The following EBF1 variants were observed in gnomAD, a reference collection of about 807,000 sequenced individuals.
EBF1 encodes the protein transcription factor COE1.
A neutral mutation model predicts 68.4 loss-of-function variants in EBF1; 10 were observed. The ratio of observed to expected loss-of-function variants is 0.15; its 90% confidence interval spans 0.09 to 0.25. The LOEUF (loss-of-function observed/expected upper bound fraction) is 0.25, where lower values mean the gene tolerates loss of function less well. EBF1 is among the 10% of genes least tolerant of loss of function. The pLI, the probability that EBF1 is intolerant of heterozygous loss-of-function variation, is 1.00. For missense variants in EBF1, 509 were observed against 794.4 expected (o/e 0.64, Z 4.32); for synonymous variants, 298 against 299.8 (o/e 0.99, Z 0.06).
At chr5:158,741,595 C>G (rs1766430874) in intron 10 of EBF1, among the ~76,000 whole-genome samples, 1 of 146,738 alleles carries the variant, frequency 6.8e-6, no homozygotes. Context: ...AAAAAAAAAG[C>G]AGTATAATGT....
chr5:158,779,450 T>G (rs934512619), intron 9 of EBF1, among the ~76,000 whole-genome samples: 9 of 152,156 alleles, frequency 5.9e-5, no homozygotes, highest in Admixed American at 2.0e-4. Flanking sequence ...TCCAAAGACT[T>G]TGTGTGTGTG....
At chr5:158,909,780 T>C (rs1179552542) in intron 6 of EBF1, among the ~76,000 whole-genome samples, 4 of 151,658 alleles carry the variant, frequency 2.6e-5, no homozygotes, top group Non-Finnish European at 5.9e-5. Context: ...CTACTAAACA[T>C]ACAAAAATTA....
At position 158,753,467 on chromosome 5, in the gene EBF1, G is replaced by A. The variant is rs1209769851; in HGVS notation, c.1037-22310C>T. Among the ~76,000 whole-genome samples, 5 of 152,054 alleles carry A rather than the reference G, an allele frequency of 3.3e-5. No homozygotes were observed. In the East Asian group the frequency reaches 9.7e-4, roughly 29 times the overall value. Reference sequence around the variant, plus strand: ...GGTTCTGGCTATAATCTTAGAGTTAGACCAACATGCTTTCTTGATTCAAGG... The same window carrying A: ...GGTTCTGGCTATAATCTTAGAGTTAAACCAACATGCTTTCTTGATTCAAGG... On this transcript the variant is annotated intron_variant, in intron 10 of 15. Coordinates refer to ENST00000313708, the MANE Select transcript of EBF1 (RefSeq NM_024007.5).
chr5:158,755,495 T>C (rs918975572), intron 10 of EBF1, among the ~76,000 whole-genome samples: 2 of 152,186 alleles, frequency 1.3e-5, no homozygotes, highest in Non-Finnish European at 2.9e-5. Context: ...TTGCACATAG[T>C]TGACATTCAA....
At position 158,951,418 on chromosome 5, in the gene EBF1, C is replaced by T. The variant is rs989848698; in HGVS notation, c.555-111308G>A. ...CATTCTTTTTTTCCTGGCAGGTGCA[C>T]GTTCACAATGGTGATTTCTCATTTA... On this transcript the variant is annotated intron_variant, in intron 6 of 15. Transcript: ENST00000313708. Among the ~76,000 whole-genome samples, 9 of 152,264 alleles carry T rather than the reference C, an allele frequency of 5.9e-5. No homozygotes were observed. In the East Asian group the frequency reaches 1.4e-3, roughly 23 times the overall value.
chr5:158,883,350 A>G (rs772407175), intron 6 of EBF1, among the ~76,000 whole-genome samples: 8 of 25,860 alleles, frequency 3.1e-4, no homozygotes, highest in African/African-American at 3.9e-4. Context: ...ACATGCATGT[A>G]TATATATATA....
chr5:158,917,190 C>T (rs1421259896), intron 6 of EBF1, among the ~76,000 whole-genome samples: 2 of 152,114 alleles, frequency 1.3e-5, no homozygotes, highest in Admixed American at 1.3e-4. Context: ...GCCTATTATA[C>T]CTAAATAAAA....
At chr5:158,947,833 G>A (rs1016904677) in intron 6 of EBF1, among the ~76,000 whole-genome samples, 11 of 151,926 alleles carry the variant, frequency 7.2e-5, no homozygotes, top group Non-Finnish European at 7.4e-5. Context: ...TAGAAATGGA[G>A]GTTGAAGGAG....
rs1478404461 is a variant in EBF1, at chr5:158,812,332, C to T, written c.778+10844G>A. Among the ~76,000 whole-genome samples the T allele has an allele frequency of 2.6e-5, 4 of 152,230 alleles. No homozygotes were observed. The East Asian group carries it at 7.7e-4, about 29-fold the overall frequency. On this transcript the variant is annotated intron_variant, in intron 8 of 15. Coordinates refer to ENST00000313708, the MANE Select transcript of EBF1 (RefSeq NM_024007.5). ...TTATTAACAATTGCCACTACACCCACAATGGGCTTCTTAGGTTGACAACTG... is the reference window on the plus strand; with the variant it reads ...TTATTAACAATTGCCACTACACCCATAATGGGCTTCTTAGGTTGACAACTG...
chr5:159,024,299 A>G (rs1767287824), intron 6 of EBF1, among the ~76,000 whole-genome samples: 1 of 152,208 alleles, frequency 6.6e-6, no homozygotes. Flanking sequence ...TACCTGCGTG[A>G]CAGTTGACAA....
At chr5:159,051,054 C>T (rs181795546) in intron 6 of EBF1, among the ~76,000 whole-genome samples, 1 of 152,072 alleles carries the variant, frequency 6.6e-6, no homozygotes, top group East Asian at 1.9e-4. Context: ...TGTTAAAGTC[C>T]CTACATTTAC....
chr5:158,929,667 A>G (rs1810420481), intron 6 of EBF1, among the ~76,000 whole-genome samples: 3 of 152,204 alleles, frequency 2.0e-5, no homozygotes. Context: ...TCTGAAGCTG[A>G]GGCTTTAATT....
At chr5:158,814,290 C>T (rs1468736005) in intron 8 of EBF1, among the ~76,000 whole-genome samples, 1 of 152,110 alleles carries the variant, frequency 6.6e-6, no homozygotes, top group Non-Finnish European at 1.5e-5. Context: ...CTAAAGTGAG[C>T]TATGATTGCA....
intron 6 of EBF1, among the ~76,000 whole-genome samples, chr5:159,041,924 C>G (rs182685953): frequency 6.6e-6 from 1 of 152,182 alleles, no homozygotes; most frequent in Non-Finnish European, 1.5e-5. Flanking sequence ...CTCACTTTTG[C>G]TTGCATGGCT....
intron 1 of EBF1, among the ~76,000 whole-genome samples, chr5:159,098,795 A>C (rs1584612877): frequency 2.7e-5 from 4 of 148,354 alleles, no homozygotes; most frequent in African/African-American, 9.9e-5. Context: ...AAGAAAATAA[A>C]GGGGGGAGAA....
At chr5:159,017,499 C>T (rs1363628421) in intron 6 of EBF1, among the ~76,000 whole-genome samples, 1 of 152,220 alleles carries the variant, frequency 6.6e-6, no homozygotes, top group Non-Finnish European at 1.5e-5. Context: ...ACCCCCATTC[C>T]TTCAGTACCT....
Position 158,883,422 on chromosome 5 carries a change from GTA to G in EBF1, c.555-43314_555-43313del, listed in dbSNP as rs34191014. ...TGTGTGTATATATATACATACATAC[GTA>G]TATATATATATACACATACACATAT... is the stretch of plus-strand genomic sequence containing the variant. On this transcript the variant is annotated intron_variant, in intron 6 of 15. Transcript: ENST00000313708. Among the ~76,000 whole-genome samples the G allele has an allele frequency of 3.1e-3, 452 of 144,208 alleles. 1 individual carries two copies. Among genetic ancestry groups the G allele is most frequent in the Middle Eastern group, 3.6e-3 (1 of 274 alleles). 94.6% of individuals were successfully genotyped at this position (144,208 alleles called of 152,430 possible). A position where few individuals can be genotyped will look rare whatever the true frequency, so the allele number is the denominator to read the frequency against.
chr5:158,784,988 A>C (rs1777135543), intron 9 of EBF1, among the ~76,000 whole-genome samples: 1 of 152,104 alleles, frequency 6.6e-6, no homozygotes, highest in Admixed American at 6.5e-5. Context: ...GTTTGGGTAG[A>C]GCTTCTCTGG....
chr5:158,955,851 C>T (rs1816953109), intron 6 of EBF1, among the ~76,000 whole-genome samples: 1 of 152,116 alleles, frequency 6.6e-6, no homozygotes, highest in Non-Finnish European at 1.5e-5. Flanking sequence ...GCAGGTTCAG[C>T]CAGCAGCTGA....
Sources: allele counts gnomAD v4.1 joint callset (sites outside exome capture counted in the v4.1 genomes callset), GRCh38; gene constraint gnomAD v4.1.1; transcripts MANE v1.5; gene names NCBI Gene and HGNC (gene_info 2026-07-23, HGNC 2026-07-21).